The following ULBP2 variants were observed in gnomAD, a reference collection of about 807,000 sequenced individuals.
ULBP2 encodes UL16 binding protein 2, also known as UL16-binding protein 2.
In ULBP2, 21 loss-of-function variants were observed where a neutral mutation model predicts 23.6. The observed-to-expected ratio is 0.89, with a 90% CI of 0.63 to 1.28. The LOEUF is 1.28. Among genes scored for constraint, ULBP2 ranks in the 50% most tolerant of loss-of-function variants. ULBP2 has a pLI of 0.00. For synonymous variants in ULBP2, 82 were observed against 112.8 expected, an observed-to-expected ratio of 0.73 and a Z score of 1.73; for missense variants, 251 against 306.0, an observed-to-expected ratio of 0.82 and a Z score of 1.34.
At chr6:149,946,882 C>A (rs1242154392) in intron 3 of ULBP2, among the ~76,000 whole-genome samples, 3 of 152,276 alleles carry the variant, frequency 2.0e-5, no homozygotes, top group Admixed American at 6.5e-5. Context: ...TGCTCCCCGC[C>A]CTGTGGATTT....
At position 149,948,877 on chromosome 6, in the gene ULBP2, TC is replaced by T; in HGVS notation, c.*179del. Reference sequence around the variant, plus strand: ...CCAATAGCTCATTCACTGCCTTGATTCCTTTTGCCAACAATTTTACCAGCAG... The same window carrying T: ...CCAATAGCTCATTCACTGCCTTGATTCTTTTGCCAACAATTTTACCAGCAG... On this transcript the variant is annotated 3_prime_UTR_variant, in exon 5 of 5. Coordinates refer to ENST00000367351, the MANE Select transcript of ULBP2 (RefSeq NM_025217.4). 7.5e-6 allele frequency: 3 copies of T among 398,656 alleles called. No homozygotes were observed. The highest frequency in any genetic ancestry group is 5.4e-5 in the South Asian group (3 of 55,522). 24.7% of individuals were successfully genotyped at this position (398,656 alleles called of 1,614,324 possible).
chr6:149,948,658 G>A (rs1446864167), intron 4 of ULBP2, 65 bp from the exon 5 acceptor site: 2 of 456,558 alleles, frequency 4.4e-6, no homozygotes, highest in Non-Finnish European at 8.8e-6. Context: ...ACTAGGGAAA[G>A]ATTACCCTGG....
chr6:149,942,549 A>G (rs1262330730), intron 1 of ULBP2, among the ~76,000 whole-genome samples: 1 of 152,030 alleles, frequency 6.6e-6, no homozygotes, highest in Non-Finnish European at 1.5e-5. Flanking sequence ...GCGATCACAG[A>G]CACCCCCACC....
chr6:149,943,333 T>G (rs1216195580), intron 1 of ULBP2, among the ~76,000 whole-genome samples: 1 of 152,064 alleles, frequency 6.6e-6, no homozygotes, highest in Non-Finnish European at 1.5e-5. Context: ...GGCTTCTGGG[T>G]GGTGTGGATG....
At chr6:149,946,804 A>G (rs1259814193) in intron 3 of ULBP2, 151 bp downstream of exon 3, 60 of 1,335,868 alleles carry the variant, frequency 4.5e-5, no homozygotes, top group Non-Finnish European at 5.8e-5. Context: ...GGTTACTGGC[A>G]TGCCTGTGCT....
chr6:149,945,360 G>T lies in ULBP2; in HGVS notation c.137G>T (p.Gly46Val), dbSNP rs748361793. 3 of 1,612,186 alleles carry T rather than the reference G, an allele frequency of 1.9e-6. No homozygotes were observed. In the African/African-American group the frequency reaches 4.0e-5, roughly 22 times the overall value. ...ACCGTCATCCCTAAGTTCAGACCTG[G>T]ACCACGGTGGTGTGCGGTTCAAGGC... ...DITVIPKFRP[G>V]PRWCAVQGQV... is the part of the protein sequence containing the mutation. Residue 46 changes from glycine to valine, a missense_variant, in exon 2 of 5, where the codon GGA (glycine) becomes GTA (valine). Transcript: ENST00000367351.
At chr6:149,947,147 C>G (rs968694553) in intron 3 of ULBP2, among the ~76,000 whole-genome samples, 173 bp from the exon 4 acceptor site, 13 of 151,920 alleles carry the variant, frequency 8.6e-5, no homozygotes, top group African/African-American at 3.2e-4. Flanking sequence ...GAGGACAAGA[C>G]TCACCCCGTC....
intron 4 of ULBP2, among the ~76,000 whole-genome samples, chr6:149,947,877 C>T (rs1413461508): frequency 6.6e-6 from 1 of 151,996 alleles, no homozygotes; most frequent in East Asian, 1.9e-4. Context: ...AGGGGGATTC[C>T]ATCTCTGAGG....
intron 3 of ULBP2, 142 bp downstream of exon 3, chr6:149,946,795 G>C (rs1562487748): frequency 1.4e-6 from 2 of 1,417,178 alleles, no homozygotes; most frequent in East Asian, 2.3e-5. Context: ...TCCTCCTGGG[G>C]TTACTGGCAT....
intron 1 of ULBP2, among the ~76,000 whole-genome samples, chr6:149,943,006 T>A (rs141692740): frequency 1.3e-5 from 2 of 150,752 alleles, no homozygotes; most frequent in Non-Finnish European, 3.0e-5. Flanking sequence ...TACGGGGGTG[T>A]CAGCGTCATA....
At chr6:149,945,945 A>C (rs1778932804) in intron 2 of ULBP2, among the ~76,000 whole-genome samples, 1 of 148,790 alleles carries the variant, frequency 6.7e-6, no homozygotes, top group Non-Finnish European at 1.5e-5. Flanking sequence ...TGTCTCAAAA[A>C]AAAAAAAAAA....
Position 149,948,889 on chromosome 6 carries a change from C to G in ULBP2, c.*189C>G, listed in dbSNP as rs1378623000. ...TCACTGCCTTGATTCCTTTTGCCAA[C>G]AATTTTACCAGCAGTTATACCTAAC... is the stretch of plus-strand genomic sequence containing the variant. On this transcript the variant is annotated 3_prime_UTR_variant, in exon 5 of 5. Coordinates refer to ENST00000367351, the MANE Select transcript of ULBP2 (RefSeq NM_025217.4). 5.2e-6 allele frequency: 2 copies of G among 386,892 alleles called. No homozygotes were observed. The highest frequency in any genetic ancestry group is 1.0e-5 in the Non-Finnish European group (2 of 192,548). The allele number at this position is 386,892 out of a possible 1,614,324, so 24.0% of individuals were successfully genotyped here. A position where few individuals can be genotyped will look rare whatever the true frequency, so the allele number is the denominator to read the frequency against.
At position 149,948,886 on chromosome 6, in the gene ULBP2, C is replaced by G; in HGVS notation, c.*186C>G. 1 of 389,508 alleles carries G rather than the reference C, an allele frequency of 2.6e-6. No individual in the cohort carries two copies. Among genetic ancestry groups the G allele is most frequent in the Non-Finnish European group, 5.2e-6 (1 of 193,440 alleles). The allele number at this position is 389,508 out of a possible 1,614,324, so 24.1% of individuals were successfully genotyped here. A position where few individuals can be genotyped will look rare whatever the true frequency, so the allele number is the denominator to read the frequency against. On this transcript the variant is annotated 3_prime_UTR_variant, in exon 5 of 5. Transcript: ENST00000367351. ...CATTCACTGCCTTGATTCCTTTTGC[C>G]AACAATTTTACCAGCAGTTATACCT...
At chr6:149,948,357 C>T (rs1472822957) in intron 4 of ULBP2, among the ~76,000 whole-genome samples, 1 of 152,216 alleles carries the variant, frequency 6.6e-6, no homozygotes, top group Non-Finnish European at 1.5e-5. Flanking sequence ...CCACCAAAGG[C>T]CAAGGGCACA....
rs1362016237 is a variant in ULBP2 at position 149,947,268 on chromosome 6, C to T, written c.632-52C>T. 7 of 1,235,010 alleles carry T rather than the reference C, an allele frequency of 5.7e-6. No homozygotes were observed. The Admixed American group carries it at 6.6e-5, about 12-fold the overall frequency. 76.5% of individuals were successfully genotyped at this position (1,235,010 alleles called of 1,614,324 possible). ...GGTGGCAGGAACTGAGGAGGTGTCT[C>T]CTCAGATTTGGGGCCTGGACAAGGG... is the stretch of plus-strand genomic sequence containing the variant. On this transcript the variant is annotated intron_variant, in intron 3 of 4. Transcript: ENST00000367351.
chr6:149,942,261 A>C, intron 1 of ULBP2, 104 bp downstream of exon 1: 2 of 1,254,148 alleles, frequency 1.6e-6, no homozygotes, highest in Non-Finnish European at 1.1e-6. Flanking sequence ...GACGGGGGAG[A>C]TCTCCCCTAA....
intron 1 of ULBP2, among the ~76,000 whole-genome samples, chr6:149,943,762 A>T (rs1486750716): frequency 6.6e-6 from 1 of 151,930 alleles, no homozygotes; most frequent in African/African-American, 2.4e-5. Context: ...CCACTGCTTA[A>T]TGTTGCGATT....
In ULBP2 at chr6:149,945,445, C is replaced by T. The variant is rs1562487058; in HGVS notation, c.222C>T (p.Val74=). The T allele has an allele frequency of 1.2e-6, 2 of 1,614,006 alleles. No individual in the cohort carries two copies. Among genetic ancestry groups the T allele is most frequent in the Non-Finnish European group, 1.7e-6 (2 of 1,179,888 alleles). ...YDCGNKTVTP[V]SPLGKKLNVT... is the part of the protein sequence containing the mutation. ...GTGGCAACAAGACAGTCACACCTGT[C>T]AGTCCCCTGGGGAAGAAACTAAATG... is the stretch of plus-strand genomic sequence containing the variant. The change falls in exon 2 of 5, where the codon GTC becomes GTT. Residue 74 remains valine, a synonymous_variant. Transcript: ENST00000367351.
At chr6:149,947,078 C>T (rs1778954340) in intron 3 of ULBP2, among the ~76,000 whole-genome samples, 1 of 152,084 alleles carries the variant, frequency 6.6e-6, no homozygotes, top group Non-Finnish European at 1.5e-5. Flanking sequence ...TCTTCCCCCA[C>T]AGCAGGAGGG....
Sources: gnomAD v4.1 joint callset for allele counts (sites outside exome capture counted in the v4.1 genomes callset) on GRCh38, gnomAD v4.1.1 for gene constraint, MANE v1.5 for transcripts, NCBI Gene and HGNC (gene_info 2026-07-23, HGNC 2026-07-21) for gene names.